Variants in SPRTN observed in about 807,000 individuals in gnomAD.
SPRTN encodes the protein DNA-dependent metalloprotease SPRTN.
A neutral mutation model predicts 31.9 loss-of-function variants in SPRTN; 11 were observed. The observed-to-expected ratio is 0.34, with a 90% confidence interval of 0.22 to 0.57. SPRTN has a LOEUF of 0.57. Ranked by LOEUF, SPRTN falls within the 20% of genes least tolerant of loss-of-function variation. SPRTN has a pLI of 0.86. For synonymous variants in SPRTN, 185 were observed against 212.1 expected (o/e 0.87, Z 1.11); for missense variants, 482 against 590.1 (o/e 0.82, Z 1.90).
At chr1:231,344,129 A>G (rs980904376) in intron 2 of SPRTN, among the ~76,000 whole-genome samples, 6 of 152,222 alleles carry the variant, frequency 3.9e-5, no homozygotes, top group Non-Finnish European at 2.9e-5. Flanking sequence ...TTTCTCCTTT[A>G]TGAGAATAGA....
At chr1:231,348,157 C>A (rs942759055) in intron 3 of SPRTN, among the ~76,000 whole-genome samples, 33 of 152,320 alleles carry the variant, frequency 2.2e-4, no homozygotes, top group Non-Finnish European at 4.6e-4. Context: ...ATTTTACACA[C>A]AGGTAATTCA....
At chr1:231,349,974 C>T (rs1164720562) in intron 3 of SPRTN, among the ~76,000 whole-genome samples, 1 of 152,128 alleles carries the variant, frequency 6.6e-6, no homozygotes, top group Non-Finnish European at 1.5e-5. Flanking sequence ...TTCATGCCAC[C>T]TCACTCCAGC....
At chr1:231,343,333 A>T (rs1354185304) in intron 2 of SPRTN, among the ~76,000 whole-genome samples, 2 of 152,012 alleles carry the variant, frequency 1.3e-5, no homozygotes, top group South Asian at 4.1e-4. Flanking sequence ...GTGTATATAT[A>T]TATATATATT....
chr1:231,346,669 G>A (rs1191195402), intron 2 of SPRTN, among the ~76,000 whole-genome samples: 2 of 152,142 alleles, frequency 1.3e-5, no homozygotes, highest in African/African-American at 4.8e-5. Context: ...TTGTCTGGGT[G>A]CAGTGGCTGA....
At chr1:231,348,714 C>T (rs1169933428) in intron 3 of SPRTN, among the ~76,000 whole-genome samples, 4 of 152,242 alleles carry the variant, frequency 2.6e-5, no homozygotes, top group East Asian at 1.9e-4. Flanking sequence ...TTCATCGTTC[C>T]AGTGGCATCT....
Position 231,353,020 on chromosome 1 carries a change from A to G in SPRTN, c.1129A>G (p.Ile377Val), listed in dbSNP as rs761892102. 1.9e-6 allele frequency: 3 copies of G among 1,614,144 alleles called. No homozygotes were observed. Among genetic ancestry groups the G allele is most frequent in the Non-Finnish European group, 2.5e-6 (3 of 1,179,984 alleles). Residue 377 changes from isoleucine (I) to valine (V), a missense_variant, in exon 5 of 5, where the codon ATA becomes GTA. Around this residue, in one of 2 missense-constraint regions of SPRTN, gnomAD observed 325 missense variants for 350.2 expected, o/e 0.93. Coordinates refer to ENST00000295050, the MANE Select transcript of SPRTN (RefSeq NM_032018.7). Reference sequence around the variant, plus strand: ...TCAGAGAAGGGTTTCATCTTCTAAGATATCCCTAAGAAATTCTTCAAAAGT... The same window carrying G: ...TCAGAGAAGGGTTTCATCTTCTAAGGTATCCCTAAGAAATTCTTCAAAAGT... ...SSQRRVSSSK[I>V]SLRNSSKVTE...
At chr1:231,341,565 T>C (rs1686891082) in intron 2 of SPRTN, among the ~76,000 whole-genome samples, 1 of 152,104 alleles carries the variant, frequency 6.6e-6, no homozygotes, top group South Asian at 2.1e-4. Context: ...AGGGAAGAAG[T>C]TTTACTAGAG....
At position 231,341,845 on chromosome 1, in the gene SPRTN, C is replaced by T. The variant is rs1467577701; in HGVS notation, c.321+1977C>T. 2.0e-5 allele frequency among the ~76,000 whole-genome samples: 3 copies of T among 152,044 alleles called. No individual in the cohort carries two copies. The East Asian group carries it at 5.8e-4, about 29-fold the overall frequency. The stretch of plus-strand genomic sequence containing the variant: ...CTACTAAAAATACAAAAATTAGCTG[C>T]GTGTGGTGACACAGCCTGTAGTACC... On this transcript the variant is annotated intron_variant, in intron 2 of 4. Transcript: ENST00000295050.
chr1:231,340,126 G>C (rs1686833207), intron 2 of SPRTN: 3 of 281,722 alleles, frequency 1.1e-5, no homozygotes, highest in Non-Finnish European at 1.4e-5. Flanking sequence ...ACTTTGGGAG[G>C]CCGAGGCGGG....
chr1:231,345,139 GTTTC>G (rs1687015368), intron 2 of SPRTN, among the ~76,000 whole-genome samples: 1 of 145,028 alleles, frequency 6.9e-6, no homozygotes, highest in African/African-American at 2.6e-5. Context: ...TTCTTTCTTT[GTTTC>G]TTTCTTTTTT....
In SPRTN at chr1:231,353,330, G is replaced by T. The variant is rs1390593434; in HGVS notation, c.1439G>T (p.Ser480Ile). The change falls in exon 5 of 5, where the codon AGC (serine) becomes ATC (isoleucine). Residue 480 changes from serine (S) to isoleucine (I), a missense_variant. By Grantham distance (142) the Ser-to-Ile change is moderately radical (BLOSUM62 -2). Transcript: ENST00000295050. ...TTGGACTGGTGCCTTGAAGGTGACA[G>T]CATCAAAGTCAAAAGCGAAGAAAGT... is the stretch of plus-strand genomic sequence containing the variant. ...EHLDWCLEGD[S>I]IKVKSEESL is the part of the protein sequence containing the mutation. 6.3e-7 allele frequency: 1 copy of T among 1,591,924 alleles called. No individual in the cohort carries two copies. The highest frequency in any genetic ancestry group is 8.5e-7 in the Non-Finnish European group (1 of 1,173,624).
intron 2 of SPRTN, among the ~76,000 whole-genome samples, chr1:231,343,559 C>G (rs924195339): frequency 1.3e-5 from 2 of 152,130 alleles, no homozygotes; most frequent in Non-Finnish European, 2.9e-5. Context: ...TTTGTTACTA[C>G]CATCACCACT....
intron 3 of SPRTN, among the ~76,000 whole-genome samples, chr1:231,349,922 G>GGATC (rs1687173859): frequency 6.6e-6 from 1 of 152,204 alleles, no homozygotes; most frequent in South Asian, 2.1e-4. Context: ...AGAGGTGGAA[G>GGATC]GATCACTTGA....
In SPRTN at chr1:231,355,016, A is replaced by C; in HGVS notation, c.*1655A>C. The C allele has an allele frequency of 1.5e-6, 1 of 662,454 alleles. No homozygotes were observed. The highest frequency in any genetic ancestry group is 1.9e-6 in the Non-Finnish European group (1 of 535,490). The allele number at this position is 662,454 out of a possible 1,614,324, so 41.0% of individuals were successfully genotyped here. On this transcript the variant is annotated 3_prime_UTR_variant, in exon 5 of 5. Transcript: ENST00000295050. ...TAAAACATTTTAATAAATACTTATAAATAGGTATTAAAATGTATATTATGT... is the reference window on the plus strand; with the variant it reads ...TAAAACATTTTAATAAATACTTATACATAGGTATTAAAATGTATATTATGT...
rs371202002 is a variant in SPRTN at position 231,352,891 on chromosome 1, A to G, written c.1000A>G (p.Arg334Gly). 2 of 1,614,128 alleles carry G rather than the reference A, an allele frequency of 1.2e-6. No homozygotes were observed. Among genetic ancestry groups the G allele is most frequent in the East Asian group, 2.2e-5 (1 of 44,870 alleles). Reference protein sequence around the residue: ...HQNVLSNYFPRVSFANQKAFR... With the variant: ...HQNVLSNYFPGVSFANQKAFR... The stretch of plus-strand genomic sequence containing the variant: ...AAATGTTCTAAGCAACTACTTTCCT[A>G]GAGTATCATTTGCCAACCAAAAGGC... The change falls in exon 5 of 5, where the codon AGA becomes GGA. Residue 334 changes from arginine (R) to glycine (G), a missense_variant. Transcript: ENST00000295050.
At chr1:231,351,943 A>C in intron 4 of SPRTN, 1 of 1,014,644 alleles carries the variant, frequency 9.9e-7, no homozygotes, top group South Asian at 4.0e-5. Flanking sequence ...TTGTCAAAAT[A>C]AAAACAATAA....
intron 2 of SPRTN, among the ~76,000 whole-genome samples, chr1:231,346,183 CTTTTTTTTTTT>C (rs71583771): frequency 2.2e-5 from 2 of 89,104 alleles, no homozygotes; most frequent in African/African-American, 9.5e-5. Context: ...CTTTTCTTTT[CTTTTTTTTTTT>C]TTTTTTTTTT....
chr1:231,340,570 C>T (rs188976418), intron 2 of SPRTN, among the ~76,000 whole-genome samples: 64 of 152,168 alleles, frequency 4.2e-4, no homozygotes, highest in African/African-American at 1.4e-3. Context: ...TGATTCTCCT[C>T]AGTTGGGCTG....
chr1:231,344,508 G>C (rs56114707), intron 2 of SPRTN: 1,802 of 175,226 alleles, frequency 0.01, 30 homozygotes, highest in African/African-American at 0.041. Flanking sequence ...CCCCATCTCT[G>C]AGAAATAATA....
Sources: allele counts gnomAD v4.1 joint callset (sites outside exome capture counted in the v4.1 genomes callset), GRCh38; gene constraint gnomAD v4.1.1; regional missense constraint gnomAD v4.1.1; transcripts MANE v1.5; gene names NCBI Gene and HGNC (gene_info 2026-07-23, HGNC 2026-07-21).